Variants in AK9 observed in about 807,000 individuals in gnomAD.
AK9 encodes adenylate kinase domain containing 1.
Under a neutral mutation model 239.6 loss-of-function variants are expected in AK9, and 191 were observed. The ratio of observed to expected loss-of-function variants is 0.80; its 90% confidence interval spans 0.71 to 0.90. AK9 has a LOEUF of 0.90. AK9 is among the 40% of genes least tolerant of loss of function. The probability of loss-of-function intolerance (pLI) is 0.00; values close to 1 mark genes in which losing one functional copy is unlikely to be tolerated. For missense variants in AK9, 1,995 were observed against 2,214.7 expected (o/e 0.90, Z 1.99); for synonymous variants, 689 against 721.0 (o/e 0.96, Z 0.71).
intron 10 of AK9, among the ~76,000 whole-genome samples, chr6:109,640,515 G>A (rs550531563): frequency 2.3e-4 from 35 of 152,132 alleles, no homozygotes; most frequent in African/African-American, 8.2e-4. Context: ...CTTCTGCATC[G>A]ATCCCGCTGG....
At chr6:109,614,082 C>A in intron 15 of AK9, 101 bp downstream of exon 15, 1 of 1,209,684 alleles carries the variant, frequency 8.3e-7, no homozygotes. Context: ...CTGAAGTTTC[C>A]AATTTTGGGG....
chr6:109,594,218 A>G (rs1326223865), intron 17 of AK9, among the ~76,000 whole-genome samples: 1 of 152,186 alleles, frequency 6.6e-6, no homozygotes, highest in Non-Finnish European at 1.5e-5. Context: ...CCTATACACC[A>G]ATAATAGACA....
chr6:109,688,206 T>C (rs1413826771), intron 1 of AK9, among the ~76,000 whole-genome samples: 1 of 152,056 alleles, frequency 6.6e-6, no homozygotes, highest in Non-Finnish European at 1.5e-5. Flanking sequence ...CAGTGACAAA[T>C]TGATTACAAA....
chr6:109,517,106 T>C (rs543927378), intron 29 of AK9, among the ~76,000 whole-genome samples: 1 of 152,282 alleles, frequency 6.6e-6, no homozygotes, highest in African/African-American at 2.4e-5. Flanking sequence ...GTTCACTGTC[T>C]CAGTTTTCTG....
intron 1 of AK9, among the ~76,000 whole-genome samples, chr6:109,682,745 G>C (rs1431029977): frequency 1.3e-5 from 2 of 152,134 alleles, no homozygotes; most frequent in Non-Finnish European, 2.9e-5. Flanking sequence ...CTGAAATTGA[G>C]GCAGTGATTA....
chr6:109,549,440 T>G (rs989531325), intron 25 of AK9, among the ~76,000 whole-genome samples: 21 of 152,168 alleles, frequency 1.4e-4, no homozygotes, highest in Non-Finnish European at 2.8e-4. Context: ...AAGACCATCA[T>G]CCTGCTCTGC....
chr6:109,507,239 T>C (rs564423146), intron 33 of AK9, among the ~76,000 whole-genome samples: 67 of 152,168 alleles, frequency 4.4e-4, no homozygotes, highest in Non-Finnish European at 8.1e-4. Context: ...ACTCTTAGAG[T>C]TGTTTTAAAG....
chr6:109,619,835 C>T (rs1794612159), intron 12 of AK9, among the ~76,000 whole-genome samples: 1 of 152,084 alleles, frequency 6.6e-6, no homozygotes, highest in African/African-American at 2.4e-5. Flanking sequence ...GCTTTCATTC[C>T]TGGCCCCTGG....
chr6:109,532,262 G>A (rs1781374094), intron 28 of AK9, among the ~76,000 whole-genome samples: 1 of 152,128 alleles, frequency 6.6e-6, no homozygotes, highest in Admixed American at 6.6e-5. Flanking sequence ...GAAATGTCTT[G>A]CTAAGAATGA....
chr6:109,644,484 A>G (rs1337039869), intron 9 of AK9, 130 bp downstream of exon 9: 1 of 750,190 alleles, frequency 1.3e-6, no homozygotes, highest in South Asian at 2.5e-5. Context: ...TTTAAGTGTT[A>G]AGACAGATTG....
intron 15 of AK9, 22 bp downstream of exon 15, chr6:109,614,161 G>T (rs1377320975): frequency 6.6e-7 from 1 of 1,513,790 alleles, no homozygotes. Context: ...ACAAACGTGG[G>T]ATTAGCAGTT....
chr6:109,557,124 C>T (rs902527187), intron 24 of AK9, among the ~76,000 whole-genome samples: 1 of 152,000 alleles, frequency 6.6e-6, no homozygotes. Context: ...GTGAGTTTGT[C>T]AAGTTTCAGT....
At chr6:109,567,815 T>C (rs1786788389) in intron 21 of AK9, among the ~76,000 whole-genome samples, 2 of 148,444 alleles carry the variant, frequency 1.3e-5, no homozygotes, top group Admixed American at 1.3e-4. Context: ...CACACCAACA[T>C]GGCACATGTA....
intron 8 of AK9, among the ~76,000 whole-genome samples, chr6:109,652,626 T>C (rs1799130213): frequency 6.6e-6 from 1 of 152,258 alleles, no homozygotes; most frequent in African/African-American, 2.4e-5. Flanking sequence ...GTTACAATAC[T>C]TTATTAGTTA....
chr6:109,661,355 A>G (rs921970217), intron 6 of AK9, among the ~76,000 whole-genome samples: 2 of 152,192 alleles, frequency 1.3e-5, no homozygotes, highest in Non-Finnish European at 2.9e-5. Context: ...TCTCATGGAC[A>G]ATGTGAATTT....
intron 39 of AK9, 127 bp downstream of exon 39, chr6:109,495,211 G>GA: frequency 1.4e-6 from 1 of 728,434 alleles, no homozygotes; most frequent in Middle Eastern, 3.5e-4. Flanking sequence ...TAGGCTGAGA[G>GA]AATTTGCAGC....
At chr6:109,661,014 T>C (rs1487149432) in intron 6 of AK9, 1 of 485,078 alleles carries the variant, frequency 2.1e-6, no homozygotes, top group African/African-American at 2.0e-5. Flanking sequence ...TAAAGTTTTA[T>C]GTATAATTTC....
chr6:109,654,375 G>T (rs1273129024), intron 8 of AK9, among the ~76,000 whole-genome samples: 1 of 151,772 alleles, frequency 6.6e-6, no homozygotes, highest in Non-Finnish European at 1.5e-5. Flanking sequence ...GTCTTGCTCT[G>T]TCATCCAGGT....
chr6:109,678,045 C>A (rs984744129), intron 1 of AK9, among the ~76,000 whole-genome samples: 5 of 152,232 alleles, frequency 3.3e-5, no homozygotes, highest in Non-Finnish European at 7.4e-5. Context: ...ATATGACTAG[C>A]CATTGCACTT....
Sources: allele counts gnomAD v4.1 joint callset (sites outside exome capture counted in the v4.1 genomes callset), GRCh38; gene constraint gnomAD v4.1.1; transcripts MANE v1.5; gene names NCBI Gene and HGNC (gene_info 2026-07-23, HGNC 2026-07-21).